SLC17A2: variants seen among roughly 807,000 people sequenced by gnomAD.
SLC17A2 encodes solute carrier family 17 member 2.
Under a neutral mutation model 52.1 loss-of-function variants are expected in SLC17A2, and 38 were observed. That is an observed-to-expected ratio of 0.73 (90% CI 0.56 to 0.96). The LOEUF (loss-of-function observed/expected upper bound fraction) is 0.96, where lower values mean the gene tolerates loss of function less well. Among genes scored for constraint, SLC17A2 ranks in the 40% least tolerant of loss-of-function variants. The pLI, the probability that SLC17A2 is intolerant of heterozygous loss-of-function variation, is 0.00. For synonymous variants in SLC17A2, 226 were observed against 211.9 expected, an observed-to-expected ratio of 1.07 and a Z score of -0.58; for missense variants, 508 against 583.9, an observed-to-expected ratio of 0.87 and a Z score of 1.34.
At chr6:25,919,093 T>C (rs1300055778) in intron 5 of SLC17A2, among the ~76,000 whole-genome samples, 1 of 152,184 alleles carries the variant, frequency 6.6e-6, no homozygotes. Flanking sequence ...CAGAGACCTA[T>C]AGTAAGAAAT....
At chr6:25,914,109 A>C (rs1006072470) in intron 11 of SLC17A2, among the ~76,000 whole-genome samples, 3 of 152,128 alleles carry the variant, frequency 2.0e-5, no homozygotes, top group African/African-American at 7.2e-5. Context: ...ACACCGAGCA[A>C]GCCTCCTTGC....
chr6:25,925,607 A>T (rs1299438635), intron 2 of SLC17A2, among the ~76,000 whole-genome samples, 162 bp downstream of exon 2: 1 of 151,988 alleles, frequency 6.6e-6, no homozygotes, highest in Non-Finnish European at 1.5e-5. Flanking sequence ...AGATGATTTC[A>T]TGGGGCTAAG....
At chr6:25,919,529 T>C (rs1766460107) in intron 5 of SLC17A2, among the ~76,000 whole-genome samples, 1 of 150,628 alleles carries the variant, frequency 6.6e-6, no homozygotes, top group African/African-American at 2.4e-5. Context: ...TGAAACCCCG[T>C]CTCTACTAAA....
chr6:25,919,833 C>G (rs1481077683), intron 5 of SLC17A2, among the ~76,000 whole-genome samples: 3 of 151,290 alleles, frequency 2.0e-5, no homozygotes, highest in Non-Finnish European at 4.4e-5. Context: ...GGGAGCAGAG[C>G]CAGAGGGAAG....
At chr6:25,923,514 T>A (rs1766635506) in intron 3 of SLC17A2, among the ~76,000 whole-genome samples, 181 bp downstream of exon 3, 1 of 152,224 alleles carries the variant, frequency 6.6e-6, no homozygotes, top group Non-Finnish European at 1.5e-5. Context: ...ATAATCATAA[T>A]AACCTCAATG....
chr6:25,913,824 T>A (rs1194526718), intron 11 of SLC17A2, among the ~76,000 whole-genome samples: 1 of 151,924 alleles, frequency 6.6e-6, no homozygotes, highest in Non-Finnish European at 1.5e-5. Context: ...TTTGTTTCTG[T>A]ATTGGCTGTT....
Position 25,921,043 on chromosome 6 carries a change from T to C in SLC17A2, c.525A>G (p.Pro175=), listed in dbSNP as rs149989085. The change falls in exon 5 of 12, where the codon CCA becomes CCG. Residue 175 remains proline, a synonymous_variant. Transcript: ENST00000377850. ...TGGTGGTGAGCTTGCTTCGTTCAAG[T>C]GGAGGAGCCCACTTTGCCCAAATAG... The part of the protein sequence containing the change: ...QFTIWAKWAP[P]LERSKLTTIA... The C allele has an allele frequency of 7.8e-5, 126 of 1,614,082 alleles. No individual in the cohort carries two copies. The highest frequency in any genetic ancestry group is 1.0e-4 in the Non-Finnish European group (120 of 1,180,032).
chr6:25,925,099 TA>T (rs1005261565), intron 2 of SLC17A2, among the ~76,000 whole-genome samples: 91 of 152,252 alleles, frequency 6.0e-4, no homozygotes, highest in African/African-American at 2.1e-3. Context: ...AGCTCACAGA[TA>T]AGAGTGGTGG....
rs1343581904 is a variant in SLC17A2 at position 25,930,566 on chromosome 6, C to G, written c.-373G>C. The G allele has an allele frequency of 6.6e-6, 1 of 152,142 alleles. No homozygotes were observed. The highest frequency in any genetic ancestry group is 1.5e-5 in the Non-Finnish European group (1 of 68,032). 9.4% of individuals were successfully genotyped at this position (152,142 alleles called of 1,614,324 possible). ...TTCACCATTAAACCAGTATTTTAAG[C>G]CCTAGACTATAAGGCTAACTTGGAA... On this transcript the variant is annotated 5_prime_UTR_variant, in exon 1 of 12. Coordinates refer to ENST00000377850, the MANE Select transcript of SLC17A2 (RefSeq NM_001286123.3).
At chr6:25,925,557 A>C (rs893317897) in intron 2 of SLC17A2, among the ~76,000 whole-genome samples, 1 of 151,734 alleles carries the variant, frequency 6.6e-6, no homozygotes, top group African/African-American at 2.4e-5. Flanking sequence ...TCCACTCCCT[A>C]GATCCCAGGA....
At chr6:25,926,282 G>A (rs1172216136) in intron 1 of SLC17A2, among the ~76,000 whole-genome samples, 1 of 152,110 alleles carries the variant, frequency 6.6e-6, no homozygotes, top group Non-Finnish European at 1.5e-5. Context: ...TAAGGAGGAA[G>A]GTTCCAGAGC....
intron 1 of SLC17A2, among the ~76,000 whole-genome samples, chr6:25,929,379 A>C (rs1448632177): frequency 6.6e-6 from 1 of 152,250 alleles, no homozygotes; most frequent in Non-Finnish European, 1.5e-5. Flanking sequence ...GTTGTATAAT[A>C]TTCTAGATAC....
chr6:25,928,987 T>C (rs1363310993), intron 1 of SLC17A2, among the ~76,000 whole-genome samples: 1 of 152,216 alleles, frequency 6.6e-6, no homozygotes, highest in Non-Finnish European at 1.5e-5. Context: ...ATGTAAATAT[T>C]ATGGTATACG....
chr6:25,920,929 A>G (rs1228016697), intron 5 of SLC17A2, 77 bp downstream of exon 5: 3 of 1,367,940 alleles, frequency 2.2e-6, no homozygotes, highest in African/African-American at 1.4e-5. Flanking sequence ...TCTTCCCCAA[A>G]CCATTTGATT....
chr6:25,929,006 A>G (rs1418960045), intron 1 of SLC17A2, among the ~76,000 whole-genome samples: 1 of 152,216 alleles, frequency 6.6e-6, no homozygotes, highest in African/African-American at 2.4e-5. Flanking sequence ...CGCATAAGCA[A>G]AAAAACAGGT....
chr6:25,927,074 C>A (rs1766794075), intron 1 of SLC17A2, among the ~76,000 whole-genome samples: 1 of 152,052 alleles, frequency 6.6e-6, no homozygotes, highest in African/African-American at 2.4e-5. Context: ...TCAAAACAAA[C>A]AAACAAAAAA....
At chr6:25,916,391 A>T (rs1051691309) in intron 8 of SLC17A2, among the ~76,000 whole-genome samples, 26 of 152,248 alleles carry the variant, frequency 1.7e-4, no homozygotes, top group African/African-American at 6.3e-4. Flanking sequence ...CAGCAATATT[A>T]TTTCTAAAAG....
intron 2 of SLC17A2, among the ~76,000 whole-genome samples, chr6:25,924,889 T>C (rs769632355): frequency 2.6e-5 from 4 of 152,058 alleles, no homozygotes; most frequent in Non-Finnish European, 4.4e-5. Flanking sequence ...ATTCAATATA[T>C]TGAAAGGACA....
chr6:25,915,651 G>A lies in SLC17A2; in HGVS notation c.1064-5C>T. 2 of 1,613,698 alleles carry A rather than the reference G, an allele frequency of 1.2e-6. No homozygotes were observed. The highest frequency in any genetic ancestry group is 1.1e-5 in the South Asian group (1 of 91,000). On this transcript the variant is annotated splice_region_variant and splice_polypyrimidine_tract_variant and intron_variant, in intron 9 of 11. Coordinates refer to ENST00000377850, the MANE Select transcript of SLC17A2 (RefSeq NM_001286123.3). Reference sequence around the variant, plus strand: ...ATATTGATGGAAGGAGGAGCCCTGGGCAATGAGGACATGCTGTCAGGGAAC... The same window carrying A: ...ATATTGATGGAAGGAGGAGCCCTGGACAATGAGGACATGCTGTCAGGGAAC...
Sources: allele counts gnomAD v4.1 joint callset (sites outside exome capture counted in the v4.1 genomes callset), GRCh38; gene constraint gnomAD v4.1.1; transcripts MANE v1.5; gene names NCBI Gene and HGNC (gene_info 2026-07-23, HGNC 2026-07-21).